OPCML: variants seen among roughly 807,000 people sequenced by gnomAD.
OPCML encodes the protein opioid-binding protein/cell adhesion molecule.
In OPCML, 13 loss-of-function variants were observed where a neutral mutation model predicts 37.8. That is an observed-to-expected ratio of 0.34 (90% confidence interval 0.22 to 0.55). OPCML has a LOEUF of 0.55. Ranked by LOEUF, OPCML falls within the 20% of genes least tolerant of loss-of-function variation. The pLI is 0.91. For missense variants in OPCML, 341 were observed against 435.6 expected (o/e 0.78, Z 1.93); for synonymous variants, 176 against 168.8 (o/e 1.04, Z -0.33).
intron 2 of OPCML, among the ~76,000 whole-genome samples, chr11:132,660,863 G>A (rs1476866487): frequency 6.6e-6 from 1 of 152,170 alleles, no homozygotes; most frequent in Non-Finnish European, 1.5e-5. Flanking sequence ...AGTGTGAAGT[G>A]GGAGCTGTCA....
At chr11:132,768,915 C>A (rs1375222983) in intron 2 of OPCML, among the ~76,000 whole-genome samples, 3 of 152,080 alleles carry the variant, frequency 2.0e-5, no homozygotes, top group African/African-American at 4.8e-5. Flanking sequence ...ATGAAAGGAG[C>A]ACTTTATTTG....
chr11:132,922,950 G>T (rs1944857372), intron 2 of OPCML, among the ~76,000 whole-genome samples: 1 of 151,814 alleles, frequency 6.6e-6, no homozygotes, highest in Non-Finnish European at 1.5e-5. Flanking sequence ...AGGTGTGGTG[G>T]TGCATGCCAG....
intron 4 of OPCML, among the ~76,000 whole-genome samples, chr11:132,449,860 C>T (rs1035140774): frequency 6.6e-6 from 1 of 152,178 alleles, no homozygotes; most frequent in African/African-American, 2.4e-5. Flanking sequence ...TCTTTCCTGG[C>T]TCTTTTCATG....
At chr11:133,254,588 G>A (rs1333699598) in intron 1 of OPCML, among the ~76,000 whole-genome samples, 1 of 152,208 alleles carries the variant, frequency 6.6e-6, no homozygotes, top group Non-Finnish European at 1.5e-5. Flanking sequence ...ATGAAGTCAA[G>A]AGACCCTGAG....
intron 3 of OPCML, among the ~76,000 whole-genome samples, chr11:132,559,355 A>G (rs1402365997): frequency 6.6e-6 from 1 of 152,166 alleles, no homozygotes; most frequent in East Asian, 1.9e-4. Context: ...GGGGTGGAAG[A>G]TGAAAGAAGT....
At chr11:132,662,004 A>G (rs1941994809) in intron 2 of OPCML, among the ~76,000 whole-genome samples, 1 of 152,208 alleles carries the variant, frequency 6.6e-6, no homozygotes, top group Non-Finnish European at 1.5e-5. Context: ...AGAGCAAAGA[A>G]ATGCCTGACA....
intron 1 of OPCML, among the ~76,000 whole-genome samples, chr11:133,070,446 C>T (rs901686319): frequency 6.6e-6 from 1 of 152,112 alleles, no homozygotes; most frequent in Non-Finnish European, 1.5e-5. Flanking sequence ...TACCCAGCAT[C>T]GCCTGGGAGA....
At chr11:132,942,848 C>G (rs748915441) in intron 2 of OPCML, 78 bp downstream of exon 2, 114 of 1,573,992 alleles carry the variant, frequency 7.2e-5, no homozygotes, top group Middle Eastern at 1.7e-4. Context: ...CCCCATGGAG[C>G]CTTCTGCCCC....
At chr11:133,360,218 T>C (rs149321514) in intron 1 of OPCML, 1 of 152,366 alleles carries the variant, frequency 6.6e-6, no homozygotes, top group East Asian at 1.9e-4. Flanking sequence ...TAATTAGAAG[T>C]TAGCAGAGCA....
At chr11:133,416,940 G>T (rs1945781973) in intron 1 of OPCML, among the ~76,000 whole-genome samples, 1 of 152,084 alleles carries the variant, frequency 6.6e-6, no homozygotes. Flanking sequence ...CAAGCTCCAG[G>T]AAAAGGTGGG....
Position 133,183,599 on chromosome 11 carries a change from T to C in OPCML, c.62-240589A>G, listed in dbSNP as rs140335938. On this transcript the variant is annotated intron_variant, in intron 1 of 7. Transcript: ENST00000524381. ...CTCATTTATTAAGGATCTACTATAC[T>C]GAAAAAATGCTACCTAAATTTTCGA... is the stretch of plus-strand genomic sequence containing the variant. Among the ~76,000 whole-genome samples, 759 of 152,314 alleles carry C rather than the reference T, an allele frequency of 5.0e-3. 1 individual carries two copies. Among genetic ancestry groups the C allele is most frequent in the African/African-American group, 0.017 (724 of 41,560 alleles).
chr11:133,234,226 A>C (rs1014233204), intron 1 of OPCML, among the ~76,000 whole-genome samples: 1 of 152,208 alleles, frequency 6.6e-6, no homozygotes, highest in Non-Finnish European at 1.5e-5. Flanking sequence ...TTCTAAAAAA[A>C]AAAGAAACAA....
intron 1 of OPCML, among the ~76,000 whole-genome samples, chr11:133,393,094 A>G (rs988198132): frequency 6.7e-6 from 1 of 149,308 alleles, no homozygotes; most frequent in East Asian, 2.0e-4. Flanking sequence ...AACAGCCCCT[A>G]CATATAGATC....
intron 1 of OPCML, among the ~76,000 whole-genome samples, chr11:132,946,786 T>G (rs1945753964): frequency 6.6e-6 from 1 of 152,140 alleles, no homozygotes; most frequent in Non-Finnish European, 1.5e-5. Context: ...ACAACCTATT[T>G]TGGGATTTCC....
intron 4 of OPCML, among the ~76,000 whole-genome samples, chr11:132,479,968 T>C (rs2137009288): frequency 6.6e-6 from 1 of 152,226 alleles, no homozygotes; most frequent in Non-Finnish European, 1.5e-5. Flanking sequence ...GCGCCTCTCC[T>C]CCTCCAAAGG....
At chr11:132,906,379 TC>T (rs1422185354) in intron 2 of OPCML, among the ~76,000 whole-genome samples, 2 of 152,218 alleles carry the variant, frequency 1.3e-5, no homozygotes, top group Non-Finnish European at 2.9e-5. Context: ...CTATGAACAG[TC>T]AGCCCTGAGG....
intron 1 of OPCML, among the ~76,000 whole-genome samples, chr11:132,958,851 A>C (rs1197059222): frequency 2.0e-5 from 3 of 152,236 alleles, no homozygotes; most frequent in Admixed American, 2.0e-4. Flanking sequence ...CTGCCCATTG[A>C]CAATTCACCT....
chr11:132,973,305 T>C (rs886883896), intron 1 of OPCML, among the ~76,000 whole-genome samples: 1 of 152,194 alleles, frequency 6.6e-6, no homozygotes, highest in African/African-American at 2.4e-5. Flanking sequence ...AAATCACTTA[T>C]TCAGACATCC....
chr11:132,769,829 G>C (rs374485296), intron 2 of OPCML, among the ~76,000 whole-genome samples: 4 of 152,164 alleles, frequency 2.6e-5, no homozygotes, highest in African/African-American at 9.7e-5. Flanking sequence ...TACAGTGAAA[G>C]AAAGTGAGTG....
Sources: allele counts gnomAD v4.1 joint callset (sites outside exome capture counted in the v4.1 genomes callset), GRCh38; gene constraint gnomAD v4.1.1; transcripts MANE v1.5; gene names NCBI Gene and HGNC (gene_info 2026-07-23, HGNC 2026-07-21).